Variants in MYO7A observed in about 807,000 individuals in gnomAD.
MYO7A encodes unconventional myosin-VIIa.
In MYO7A, 210 loss-of-function variants were observed where a neutral mutation model predicts 263.8. The ratio of observed to expected loss-of-function variants is 0.80; its 90% CI spans 0.71 to 0.89. The LOEUF (loss-of-function observed/expected upper bound fraction) is 0.89. Ranked by LOEUF, MYO7A falls within the 40% of genes least tolerant of loss-of-function variation. The pLI is 0.00. For missense variants in MYO7A, 2,820 were observed against 2,968.3 expected (o/e 0.95, Z 1.16); for synonymous variants, 1,239 against 1,197.3 (o/e 1.03, Z -0.72).
At chr11:77,154,397 T>C (rs1555059751) in intron 4 of MYO7A, among the ~76,000 whole-genome samples, 1 of 151,980 alleles carries the variant, frequency 6.6e-6, no homozygotes, top group African/African-American at 2.4e-5. Flanking sequence ...GGTCCACAGG[T>C]CCTGATCTGA....
chr11:77,208,317 C>A, intron 42 of MYO7A, 113 bp from the exon 43 acceptor site: 2 of 815,110 alleles, frequency 2.5e-6, no homozygotes, highest in Non-Finnish European at 4.0e-6. Context: ...CCCCTTCCGG[C>A]TGGGAGTGGA....
At chr11:77,212,660 G>C in intron 46 of MYO7A, 1 of 498,472 alleles carries the variant, frequency 2.0e-6, no homozygotes, top group Non-Finnish European at 3.6e-6. Flanking sequence ...GAGGAGAACA[G>C]GTAGGTAGCT....
chr11:77,178,901 GGCACA>G (rs1954911146), intron 19 of MYO7A, 139 bp from the exon 20 acceptor site: 1 of 641,242 alleles, frequency 1.6e-6, no homozygotes, highest in Non-Finnish European at 2.8e-6. Flanking sequence ...AGGAAGCTGA[GGCACA>G]GAAGTTATGT....
At position 77,190,053 on chromosome 11, in the gene MYO7A, G is replaced by A. The variant is rs755771068; in HGVS notation, c.3664G>A (p.Gly1222Ser). Residue 1222 changes from glycine (G) to serine (S), a missense_variant, in exon 29 of 49, where the codon GGC becomes AGC. Gly to Ser is a moderately conservative substitution (Grantham distance 56, BLOSUM62 0). Coordinates refer to ENST00000409709, the MANE Select transcript of MYO7A (RefSeq NM_000260.4). ...GAACTTCATCCACGGGGGCCCGCCC[G>A]GCTACGCCCCGTACTGTGAGGAGCG... ...LRNFIHGGPPGYAPYCEERLR... is the reference protein window; with the variant it reads ...LRNFIHGGPPSYAPYCEERLR... 7.0e-6 allele frequency: 11 copies of A among 1,568,978 alleles called. No individual in the cohort carries two copies. Among genetic ancestry groups the A allele is most frequent in the Admixed American group, 3.7e-5 (2 of 53,356 alleles).
chr11:77,178,928 G>T, intron 19 of MYO7A, 117 bp from the exon 20 acceptor site: 1 of 757,262 alleles, frequency 1.3e-6, no homozygotes, highest in Non-Finnish European at 2.3e-6. Context: ...CCTTGCCCAA[G>T]GTCATATAGC....
In MYO7A at chr11:77,199,802, G is replaced by GGAT. The variant is rs1555100610; in HGVS notation, c.4837_4839dup (p.Asp1613dup). On this transcript the variant is annotated inframe_insertion, in exon 35 of 49. Transcript: ENST00000409709. ...GATCTAAGTATGTTGTGGCCCTGCA[G>GGAT]GATAACCCCAACCCCGGTGAGTGGC... 6.9e-6 allele frequency: 11 copies of GGAT among 1,596,544 alleles called. No homozygotes were observed. Among genetic ancestry groups the GGAT allele is most frequent in the Non-Finnish European group, 9.4e-6 (11 of 1,166,764 alleles).
chr11:77,171,924 C>T (rs1340126888), intron 15 of MYO7A, among the ~76,000 whole-genome samples: 1 of 152,172 alleles, frequency 6.6e-6, no homozygotes, highest in Non-Finnish European at 1.5e-5. Flanking sequence ...TCGCTGGCTG[C>T]CAGGATCGCC....
Position 77,175,375 on chromosome 11 carries a change from G to T in MYO7A, c.2098G>T (p.Asp700Tyr). Reference protein sequence around the residue: ...PGVKPAYKQGDLRGTCQRMAE... With the variant: ...PGVKPAYKQGYLRGTCQRMAE... The stretch of plus-strand genomic sequence containing the variant: ...GTGTTCCCCATCCTCACTCCAGGGC[G>T]ACCTCCGCGGGACTTGCCAGCGCAT... Residue 700 changes from aspartate (D) to tyrosine (Y), a missense_variant, in exon 18 of 49, where the codon GAC (aspartate) becomes TAC (tyrosine). Coordinates refer to ENST00000409709, the MANE Select transcript of MYO7A (RefSeq NM_000260.4). 1 of 1,613,128 alleles carries T rather than the reference G, an allele frequency of 6.2e-7. No individual in the cohort carries two copies. The highest frequency in any genetic ancestry group is 8.5e-7 in the Non-Finnish European group (1 of 1,179,838).
intron 44 of MYO7A, chr11:77,209,053 C>T (rs1462061350): frequency 1.9e-6 from 1 of 528,020 alleles, no homozygotes; most frequent in Non-Finnish European, 3.4e-6. Context: ...TGTTCAGGCC[C>T]CTCCTTCAGT....
chr11:77,189,367 G>T lies in MYO7A; in HGVS notation c.3527G>T (p.Ser1176Ile), dbSNP rs373147966. ...AGGGACGAGATCTACTGCCAGATCA[G>T]CAAGCAGCTGACCCACAACCCCTCC... The part of the protein sequence containing the change: ...ALRDEIYCQI[S>I]KQLTHNPSKS... The change falls in exon 28 of 49, where the codon AGC becomes ATC. Residue 1176 changes from serine to isoleucine, a missense_variant. Coordinates refer to ENST00000409709, the MANE Select transcript of MYO7A (RefSeq NM_000260.4). The T allele has an allele frequency of 1.2e-6, 2 of 1,613,660 alleles. No individual in the cohort carries two copies. Among genetic ancestry groups the T allele is most frequent in the Non-Finnish European group, 1.7e-6 (2 of 1,179,888 alleles).
intron 15 of MYO7A, among the ~76,000 whole-genome samples, chr11:77,170,145 T>C (rs1311437025): frequency 6.6e-6 from 1 of 152,066 alleles, no homozygotes; most frequent in Non-Finnish European, 1.5e-5. Context: ...AGATGTAGTA[T>C]GGGGAAAGAT....
At chr11:77,189,544 G>A (rs1955882653) in intron 28 of MYO7A, 74 bp downstream of exon 28, 11 of 1,583,876 alleles carry the variant, frequency 6.9e-6, no homozygotes, top group South Asian at 4.5e-5. Flanking sequence ...GAGAGCAATA[G>A]CCAGGGGCTC....
At chr11:77,214,026 C>T in intron 48 of MYO7A, 47 bp downstream of exon 48, 1 of 1,611,014 alleles carries the variant, frequency 6.2e-7, no homozygotes, top group Non-Finnish European at 8.5e-7. Flanking sequence ...GCCTTGCCTG[C>T]AGCGTAGCCA....
In MYO7A at chr11:77,166,133, A is replaced by G; in HGVS notation, c.1768A>G (p.Lys590Glu). 1 of 1,613,890 alleles carries G rather than the reference A, an allele frequency of 6.2e-7. No individual in the cohort carries two copies. The change falls in exon 15 of 49, where the codon AAG becomes GAG. Residue 590 changes from lysine (K) to glutamate (E), a missense_variant. Physicochemically the swap from Lys to Glu is moderately conservative, Grantham distance 56. Coordinates refer to ENST00000409709, the MANE Select transcript of MYO7A (RefSeq NM_000260.4). The part of the protein sequence containing the change: ...LVHSSRNKFI[K>E]QIFQADVAMG... ...CCACTCCTCCAGGAACAAGTTCATC[A>G]AGCAGATCTTCCAGGCCGATGTCGC...
At position 77,174,395 on chromosome 11, in the gene MYO7A, C is replaced by T. The variant is rs185787741; in HGVS notation, c.1936-361C>T. ...CCTCAAGATTCCCAGCAAAGTCCTG[C>T]GCTTTCAGGCTTCCAAACCTTTGCA... On this transcript the variant is annotated intron_variant, in intron 16 of 48. Coordinates refer to ENST00000409709, the MANE Select transcript of MYO7A (RefSeq NM_000260.4). Among the ~76,000 whole-genome samples, 560 of 152,314 alleles carry T rather than the reference C, an allele frequency of 3.7e-3. 2 individuals carry two copies. The highest frequency in any genetic ancestry group is 6.2e-3 in the Non-Finnish European group (422 of 68,022).
intron 44 of MYO7A, 93 bp from the exon 45 acceptor site, chr11:77,211,059 G>A: frequency 4.1e-6 from 5 of 1,221,696 alleles, no homozygotes; most frequent in Non-Finnish European, 5.7e-6. Flanking sequence ...GGGTAAGGTG[G>A]TAGACCCCGG....
At chr11:77,200,614 T>C (rs1481387166) in intron 35 of MYO7A, among the ~76,000 whole-genome samples, 4 of 152,238 alleles carry the variant, frequency 2.6e-5, no homozygotes, top group African/African-American at 4.8e-5. Context: ...TCACAGACCA[T>C]GCCCCGTGGC....
Position 77,157,416 on chromosome 11 carries a change from GTAGGGGGGCACCCACCC to G in MYO7A, c.849+29_849+45del, listed in dbSNP as rs782585760. 23 of 1,529,130 alleles carry G rather than the reference GTAGGGGGGCACCCACCC, an allele frequency of 1.5e-5. No individual in the cohort carries two copies. The South Asian group carries it at 2.7e-4, about 18-fold the overall frequency. The allele number at this position is 1,529,130 out of a possible 1,614,324, so 94.7% of individuals were successfully genotyped here. ...TGGTGAGGCCCAGGTGGGCCCCTGG[GTAGGGGGGCACCCACCC>G]TAGGATTGTAGGGAGCTGGCTACTG... On this transcript the variant is annotated intron_variant, in intron 8 of 48. Coordinates refer to ENST00000409709, the MANE Select transcript of MYO7A (RefSeq NM_000260.4).
intron 31 of MYO7A, among the ~76,000 whole-genome samples, chr11:77,193,453 G>T (rs1956390072): frequency 6.6e-6 from 1 of 150,884 alleles, no homozygotes; most frequent in Non-Finnish European, 1.5e-5. Flanking sequence ...TGATGGTGAT[G>T]GTGGAGGCAT....
Sources: allele counts gnomAD v4.1 joint callset (sites outside exome capture counted in the v4.1 genomes callset), GRCh38; gene constraint gnomAD v4.1.1; transcripts MANE v1.5; gene names NCBI Gene and HGNC (gene_info 2026-07-23, HGNC 2026-07-21).